HBP1: variants seen among roughly 807,000 people sequenced by gnomAD.
HBP1 encodes HMG-box transcription factor 1, also known as HMG box-containing protein 1.
Under a neutral mutation model 62.6 loss-of-function variants are expected in HBP1, and 20 were observed. The ratio of observed to expected loss-of-function variants is 0.32; its 90% CI spans 0.22 to 0.46. The LOEUF is 0.46. Among genes scored for constraint, HBP1 ranks in the 20% least tolerant of loss-of-function variants. HBP1 has a pLI of 1.00. For synonymous variants in HBP1, 232 were observed against 206.2 expected, an observed-to-expected ratio of 1.12 and a Z score of -1.07; for missense variants, 480 against 611.8, an observed-to-expected ratio of 0.78 and a Z score of 2.27.
Position 107,171,073 on chromosome 7 carries a change from A to ATATATATATATATTT in HBP1, c.-16+1889_-16+1890insATATATATATATTTT. Among the ~76,000 whole-genome samples, 3 of 87,192 alleles carry ATATATATATATATTT rather than the reference A, an allele frequency of 3.4e-5. 1 individual carries two copies. Among genetic ancestry groups the ATATATATATATATTT allele is most frequent in the African/African-American group, 2.0e-4 (3 of 15,084 alleles). The allele number at this position is 87,192 out of a possible 152,430, so 57.2% of individuals were successfully genotyped here. A position where few individuals can be genotyped will look rare whatever the true frequency, so the allele number is the denominator to read the frequency against. On this transcript the variant is annotated intron_variant, in intron 1 of 10. Transcript: ENST00000222574. The stretch of plus-strand genomic sequence containing the variant: ...TATATATATATATATATATATATAT[A>ATATATATATATATTT]TTTTTTTTTTTTTTTGAGAGGGAGT...
At chr7:107,193,090 G>A (rs529506132) in intron 8 of HBP1, 1 of 152,234 alleles carries the variant, frequency 6.6e-6, no homozygotes, top group South Asian at 2.1e-4. Flanking sequence ...CATAATTCAA[G>A]GTTCTGTTGT....
intron 1 of HBP1, chr7:107,169,906 G>A: frequency 1.0e-6 from 1 of 985,524 alleles, no homozygotes; most frequent in Non-Finnish European, 1.2e-6. Flanking sequence ...CCAAAGAGGA[G>A]GCTTGGCAGG....
At chr7:107,183,119 G>GT (rs1797187441) in intron 3 of HBP1, among the ~76,000 whole-genome samples, 1 of 152,202 alleles carries the variant, frequency 6.6e-6, no homozygotes, top group Non-Finnish European at 1.5e-5. Flanking sequence ...TCCAGACAGA[G>GT]TTTAAGAAAA....
chr7:107,180,105 A>T (rs748163131), intron 2 of HBP1, 43 bp downstream of exon 2: 5 of 1,338,128 alleles, frequency 3.7e-6, no homozygotes, highest in Non-Finnish European at 5.2e-6. Context: ...ACTAAGATTC[A>T]GATAAATTTT....
intron 1 of HBP1, among the ~76,000 whole-genome samples, chr7:107,172,399 T>C (rs755006973): frequency 1.1e-4 from 16 of 152,112 alleles, no homozygotes; most frequent in Non-Finnish European, 2.2e-4. Context: ...TGGAGAAAAT[T>C]ATGTTTCTAG....
chr7:107,194,018 T>G (rs1797773526), intron 8 of HBP1, among the ~76,000 whole-genome samples: 2 of 152,318 alleles, frequency 1.3e-5, no homozygotes, highest in African/African-American at 4.8e-5. Flanking sequence ...GCTTAAGGAA[T>G]GGCATGTACA....
intron 1 of HBP1, among the ~76,000 whole-genome samples, chr7:107,178,537 T>C (rs900083792): frequency 1.3e-5 from 2 of 152,232 alleles, no homozygotes; most frequent in African/African-American, 4.8e-5. Flanking sequence ...TTTTGTAGGC[T>C]TGCAGGTAGA....
chr7:107,190,659 C>T (rs556619080), intron 8 of HBP1, among the ~76,000 whole-genome samples: 1 of 152,292 alleles, frequency 6.6e-6, no homozygotes, highest in South Asian at 2.1e-4. Context: ...TGTTCTTAAA[C>T]AGCTTATAAA....
intron 6 of HBP1, 92 bp from the exon 7 acceptor site, chr7:107,189,200 A>G: frequency 1.9e-6 from 2 of 1,080,798 alleles, no homozygotes; most frequent in South Asian, 1.6e-5. Flanking sequence ...GGTTATTTTT[A>G]CCTTTTCCAC....
intron 3 of HBP1, among the ~76,000 whole-genome samples, chr7:107,183,871 A>G (rs1008626481): frequency 3.3e-5 from 5 of 152,202 alleles, no homozygotes; most frequent in African/African-American, 1.2e-4. Flanking sequence ...CTGTCTGCTC[A>G]TGCAGCTTAT....
rs150569126 is a variant in HBP1, at chr7:107,182,958, T to A, written c.398+357T>A. ...TTATATTTTAAATTTTATCAACCTT[T>A]AGTTGGGTTCCTTTTGGTCTAGGTT... On this transcript the variant is annotated intron_variant, in intron 3 of 10. Transcript: ENST00000222574. Among the ~76,000 whole-genome samples, 510 of 152,354 alleles carry A rather than the reference T, an allele frequency of 3.3e-3. 4 individuals carry two copies. The highest frequency in any genetic ancestry group is 0.012 in the African/African-American group (486 of 41,592).
chr7:107,189,183 C>T, intron 6 of HBP1, 109 bp from the exon 7 acceptor site: 1 of 842,756 alleles, frequency 1.2e-6, no homozygotes. Context: ...GGCAGGGATC[C>T]TGTCTTGGTT....
chr7:107,195,903 A>C lies in HBP1; in HGVS notation c.1137A>C (p.Ala379=), dbSNP rs774840857. The change falls in exon 9 of 11, where the codon GCA becomes GCC. Residue 379 remains alanine (A), a synonymous_variant. Transcript: ENST00000222574. ...GTAGTATGGCTCGCCAGCGTCGTGC[A>C]TCTTTGTCTTGTGGAGGACCTGGTG... is the stretch of plus-strand genomic sequence containing the variant. ...VLSSMARQRR[A]SLSCGGPGGQ... 3 of 1,613,686 alleles carry C rather than the reference A, an allele frequency of 1.9e-6. No homozygotes were observed. Among genetic ancestry groups the C allele is most frequent in the Non-Finnish European group, 2.5e-6 (3 of 1,179,718 alleles).
At chr7:107,181,838 C>T (rs539899810) in intron 2 of HBP1, among the ~76,000 whole-genome samples, 52 of 151,670 alleles carry the variant, frequency 3.4e-4, no homozygotes, top group Non-Finnish European at 4.0e-4. Flanking sequence ...GGTAATAGTT[C>T]CAGTCATCTT....
intron 9 of HBP1, among the ~76,000 whole-genome samples, chr7:107,197,795 G>T (rs1027702542): frequency 6.6e-5 from 10 of 152,142 alleles, no homozygotes; most frequent in African/African-American, 2.4e-4. Flanking sequence ...GTTTAAGTGT[G>T]TTTTTTAAAA....
intron 1 of HBP1, chr7:107,179,658 C>A (rs1363863376): frequency 3.6e-6 from 1 of 276,772 alleles, no homozygotes; most frequent in Non-Finnish European, 6.9e-6. Context: ...TGTAATCCCC[C>A]CTACTTAGGT....
intron 3 of HBP1, among the ~76,000 whole-genome samples, chr7:107,184,720 C>T (rs961213591): frequency 3.3e-5 from 5 of 152,178 alleles, no homozygotes; most frequent in Non-Finnish European, 5.9e-5. Context: ...CTGTGTTAGC[C>T]AGGATGGTCT....
At chr7:107,197,327 T>A (rs1474200976) in intron 9 of HBP1, among the ~76,000 whole-genome samples, 1 of 152,214 alleles carries the variant, frequency 6.6e-6, no homozygotes, top group Non-Finnish European at 1.5e-5. Context: ...TCCTAGTTCC[T>A]TTAGACACAT....
At chr7:107,185,737 C>G (rs1490826878) in intron 3 of HBP1, 64 bp from the exon 4 acceptor site, 2 of 1,318,752 alleles carry the variant, frequency 1.5e-6, no homozygotes, top group Non-Finnish European at 2.1e-6. Flanking sequence ...GAAGTTCTTT[C>G]ATTAATAGGA....
Sources: allele counts gnomAD v4.1 joint callset (sites outside exome capture counted in the v4.1 genomes callset), GRCh38; gene constraint gnomAD v4.1.1; transcripts MANE v1.5; gene names NCBI Gene and HGNC (gene_info 2026-07-23, HGNC 2026-07-21).